Variants in RGPD2 observed in about 807,000 individuals in gnomAD.
RGPD2 encodes RANBP2-like and GRIP domain-containing protein 2.
A neutral mutation model predicts 36.0 loss-of-function variants in RGPD2; 2 were observed. That is an observed-to-expected ratio of 0.06 (90% CI 0.02 to 0.17). RGPD2 has a LOEUF of 0.17. RGPD2 is among the 10% of genes least tolerant of loss of function. The probability of loss-of-function intolerance (pLI) is 1.00; values close to 1 mark genes in which losing one functional copy is unlikely to be tolerated. For missense variants in RGPD2, 40 were observed against 464.3 expected (o/e 0.09, Z 8.40); for synonymous variants, 19 against 163.8 (o/e 0.12, Z 6.75).
At chr2:87,878,017 C>T in the RGPD2 span, among the ~76,000 whole-genome samples, 2 of 151,680 alleles carry the variant, frequency 1.3e-5, no homozygotes, top group Admixed American at 1.3e-4. Context: ...GGTTGATCTT[C>T]TCATGGAGTA....
chr2:87,826,031 CTT>C (rs1433659691), upstream of RGPD2: 5 of 350,156 alleles, frequency 1.4e-5, no homozygotes, highest in Admixed American at 2.3e-4. Context: ...CATTCATTTG[CTT>C]ATTTCAATAT....
At chr2:87,940,519 T>C in the RGPD2 span, among the ~76,000 whole-genome samples, 1 of 136,010 alleles carries the variant, frequency 7.4e-6, no homozygotes, top group African/African-American at 2.5e-5. Flanking sequence ...CTCTTGTTTA[T>C]GATTAATAAA....
the RGPD2 span, among the ~76,000 whole-genome samples, chr2:87,873,221 T>TTTTC: frequency 6.8e-6 from 1 of 147,796 alleles, no homozygotes; most frequent in Non-Finnish European, 1.5e-5. Context: ...ATGTACCATA[T>TTTTC]TTTCTTTATC....
rs1187438680 is a variant in RGPD2, at chr2:87,825,493, CGGCCGA to C, written c.72+159_72+164del. On this transcript the variant is annotated intron_variant, in intron 1 of 22. Transcript: ENST00000398146. Reference sequence around the variant, plus strand: ...GGCCGCCGTCGCCGCCGCCGCCGCCCGGCCGAGGCCGAGGCCGAGGCCGCCGCCCGG... The same window carrying C: ...GGCCGCCGTCGCCGCCGCCGCCGCCCGGCCGAGGCCGAGGCCGCCGCCCGG... Among the ~76,000 whole-genome samples the C allele has an allele frequency of 7.7e-4, 53 of 69,108 alleles. 1 individual carries two copies. The highest frequency in any genetic ancestry group is 1.7e-3 in the South Asian group (3 of 1,760). The allele number at this position is 69,108 out of a possible 152,430, so 45.3% of individuals were successfully genotyped here.
the RGPD2 span, among the ~76,000 whole-genome samples, chr2:87,885,330 T>G: frequency 6.6e-6 from 1 of 152,102 alleles, no homozygotes; most frequent in African/African-American, 2.4e-5. Context: ...TATTAACAAA[T>G]TAGGTAAAGA....
At chr2:87,963,909 C>A in the RGPD2 span, among the ~76,000 whole-genome samples, 1 of 139,034 alleles carries the variant, frequency 7.2e-6, no homozygotes, top group East Asian at 2.1e-4. Context: ...AATCTCGGCT[C>A]ATTGCAACCT....
At chr2:87,961,852 A>T in the RGPD2 span, among the ~76,000 whole-genome samples, 1 of 151,078 alleles carries the variant, frequency 6.6e-6, no homozygotes, top group Non-Finnish European at 1.5e-5. Flanking sequence ...AACCCATGTT[A>T]TTCAAGGGTC....
chr2:87,786,107 T>TAGA (rs1450746829), intron 18 of RGPD2, among the ~76,000 whole-genome samples: 1 of 121,012 alleles, frequency 8.3e-6, no homozygotes, highest in Non-Finnish European at 1.8e-5. Context: ...TCTTGCAAAA[T>TAGA]GTCTGTCTGC....
At chr2:87,975,921 A>T in the RGPD2 span, among the ~76,000 whole-genome samples, 33 of 152,234 alleles carry the variant, frequency 2.2e-4, no homozygotes, top group African/African-American at 7.9e-4. Context: ...CCAGTGCTTA[A>T]CACTATACTT....
rs1212840144 is a variant in RGPD2 at position 87,815,126 on chromosome 2, CAT to C, written c.402+1141_402+1142del. On this transcript the variant is annotated intron_variant, in intron 4 of 22. Transcript: ENST00000398146. ...ACAGTAGTGGTGGTATGAATCTACA[CAT>C]GATAAAATGAAAGAAAACTATATAC... 2.0e-5 allele frequency among the ~76,000 whole-genome samples: 3 copies of C among 146,886 alleles called. No individual in the cohort carries two copies. The South Asian group carries it at 6.3e-4, about 31-fold the overall frequency.
chr2:87,912,012 A>G, the RGPD2 span, among the ~76,000 whole-genome samples: 1 of 152,082 alleles, frequency 6.6e-6, no homozygotes, highest in Non-Finnish European at 1.5e-5. Context: ...CATGTTACAT[A>G]TGTCTGAATT....
the RGPD2 span, among the ~76,000 whole-genome samples, chr2:87,929,487 A>ATGTG: frequency 0.026 from 3,595 of 136,990 alleles, 64 homozygotes; most frequent in African/African-American, 0.059. Context: ...GTGTGTGTGT[A>ATGTG]TGTGTGTGTG....
At chr2:87,860,187 CA>C in the RGPD2 span, among the ~76,000 whole-genome samples, 2 of 151,936 alleles carry the variant, frequency 1.3e-5, no homozygotes, top group African/African-American at 4.8e-5. Context: ...GTTTTACAAA[CA>C]GGAGGAATTT....
At chr2:87,824,742 G>GGCCGAGGCCGAGGCCGAGGCC (rs1686563826) in intron 1 of RGPD2, among the ~76,000 whole-genome samples, 1 of 87,702 alleles carries the variant, frequency 1.1e-5, no homozygotes, top group Non-Finnish European at 2.4e-5. Context: ...GCCAGGCCGA[G>GGCCGAGGCCGAGGCCGAGGCC]GCCGCCGCCG....
chr2:87,772,745 AAGT>A (rs1685164955), intron 21 of RGPD2, among the ~76,000 whole-genome samples: 1 of 137,210 alleles, frequency 7.3e-6, no homozygotes, highest in African/African-American at 2.7e-5. Context: ...AGAGGAGAAA[AAGT>A]AGATGAGATA....
the RGPD2 span, among the ~76,000 whole-genome samples, chr2:87,930,886 TG>T: frequency 1.8e-3 from 263 of 146,272 alleles, no homozygotes; most frequent in Admixed American, 4.2e-3. Context: ...TATCCTCTGG[TG>T]GTTGTTTGTA....
At chr2:87,915,350 A>G in the RGPD2 span, among the ~76,000 whole-genome samples, 4 of 132,998 alleles carry the variant, frequency 3.0e-5, no homozygotes, top group African/African-American at 1.1e-4. Flanking sequence ...AATGTATATT[A>G]TATATATTAT....
chr2:87,864,068 G>A, the RGPD2 span, among the ~76,000 whole-genome samples: 16 of 151,986 alleles, frequency 1.1e-4, no homozygotes, highest in Admixed American at 9.8e-4. Context: ...CATTTAATGT[G>A]TTGACCTGGA....
At chr2:87,830,246 T>G (rs1672448348), upstream of RGPD2, among the ~76,000 whole-genome samples, 1 of 152,278 alleles carries the variant, frequency 6.6e-6, no homozygotes, top group South Asian at 2.1e-4. Context: ...ACAGGCTCTC[T>G]CCTGGGTACT....
Sources: allele counts gnomAD v4.1 joint callset (sites outside exome capture counted in the v4.1 genomes callset), GRCh38; gene constraint gnomAD v4.1.1; transcripts MANE v1.5; gene names NCBI Gene and HGNC (gene_info 2026-07-23, HGNC 2026-07-21).